Variants in WWOX observed in about 807,000 individuals in gnomAD.
WWOX encodes the protein WW domain containing oxidoreductase.
Under a neutral mutation model 46.2 loss-of-function variants are expected in WWOX, and 69 were observed. The observed-to-expected ratio is 1.49, with a 90% confidence interval of 1.23 to 1.82. The LOEUF is 1.82. WWOX is among the 40% of genes most tolerant of loss of function. The probability of loss-of-function intolerance (pLI) is 0.00; values close to 1 mark genes in which losing one functional copy is unlikely to be tolerated. For synonymous variants in WWOX, 359 were observed against 202.6 expected (o/e 1.77, Z -6.56); for missense variants, 919 against 542.6 (o/e 1.69, Z -6.89).
intron 8 of WWOX, among the ~76,000 whole-genome samples, chr16:79,124,716 A>T (rs897973464): frequency 2.0e-5 from 3 of 152,214 alleles, no homozygotes; most frequent in Non-Finnish European, 4.4e-5. Flanking sequence ...AGCAAAACAG[A>T]TGTGAAACAT....
intron 8 of WWOX, among the ~76,000 whole-genome samples, chr16:78,893,820 G>C (rs77682050): frequency 0.022 from 3,405 of 152,098 alleles, 121 homozygotes; most frequent in East Asian, 0.089. Flanking sequence ...GCTTCACAGA[G>C]GTAAGAGGAA....
At chr16:78,547,145 A>AC (rs1567635716) in intron 8 of WWOX, among the ~76,000 whole-genome samples, 46 of 94,078 alleles carry the variant, frequency 4.9e-4, no homozygotes, top group African/African-American at 1.2e-3. Flanking sequence ...AAAAAAAAAA[A>AC]AAAAAAAAAA....
intron 6 of WWOX, among the ~76,000 whole-genome samples, chr16:78,402,795 G>A (rs1260785538): frequency 2.0e-5 from 3 of 152,092 alleles, no homozygotes; most frequent in South Asian, 4.2e-4. Context: ...TCCTGACCTC[G>A]GAAATAATTC....
chr16:78,816,580 CT>C (rs2051336808), intron 8 of WWOX, among the ~76,000 whole-genome samples: 1 of 99,220 alleles, frequency 1.0e-5, no homozygotes, highest in Non-Finnish European at 1.9e-5. Context: ...GGCCGTTTGT[CT>C]TTAAAAATTT....
chr16:78,594,995 T>G (rs17707772), intron 8 of WWOX, among the ~76,000 whole-genome samples: 1 of 152,000 alleles, frequency 6.6e-6, no homozygotes, highest in African/African-American at 2.4e-5. Flanking sequence ...TGAAGACTTG[T>G]GGAAAAGGGA....
intron 5 of WWOX, among the ~76,000 whole-genome samples, chr16:78,262,639 G>A (rs1191469186): frequency 2.0e-5 from 3 of 152,074 alleles, no homozygotes; most frequent in African/African-American, 7.3e-5. Context: ...AATGAGAACA[G>A]TTGGAGAAGG....
chr16:78,338,621 A>C (rs1223857054), intron 5 of WWOX, among the ~76,000 whole-genome samples: 1 of 121,208 alleles, frequency 8.3e-6, no homozygotes, highest in Non-Finnish European at 2.0e-5. Context: ...AGTTAGAGAT[A>C]GGAAAATACC....
chr16:78,585,279 G>C (rs756668298), intron 8 of WWOX, among the ~76,000 whole-genome samples: 2 of 152,192 alleles, frequency 1.3e-5, no homozygotes, highest in East Asian at 3.9e-4. Flanking sequence ...AGAAGACCAG[G>C]CCTTGGCAGC....
intron 8 of WWOX, among the ~76,000 whole-genome samples, chr16:78,469,487 G>A (rs960313758): frequency 6.6e-6 from 1 of 152,206 alleles, no homozygotes; most frequent in Non-Finnish European, 1.5e-5. Flanking sequence ...CAGTGAGGGT[G>A]ATGATGGTGT....
chr16:79,193,513 G>A (rs1382870090), intron 8 of WWOX, among the ~76,000 whole-genome samples: 1 of 152,200 alleles, frequency 6.6e-6, no homozygotes, highest in Admixed American at 6.5e-5. Flanking sequence ...CTTCTTCAGG[G>A]AGACCTCAGA....
chr16:78,480,671 G>C (rs1260531443), intron 8 of WWOX, among the ~76,000 whole-genome samples: 2 of 152,174 alleles, frequency 1.3e-5, no homozygotes, highest in Non-Finnish European at 2.9e-5. Context: ...ACTGACACAG[G>C]TACCCTCTCC....
chr16:78,690,540 A>G (rs2047961411), intron 8 of WWOX, among the ~76,000 whole-genome samples: 1 of 152,122 alleles, frequency 6.6e-6, no homozygotes, highest in African/African-American at 2.4e-5. Flanking sequence ...CGACAGAATG[A>G]GACCCTGTCT....
intron 8 of WWOX, among the ~76,000 whole-genome samples, chr16:78,548,772 C>T (rs929056868): frequency 2.6e-5 from 4 of 152,124 alleles, no homozygotes; most frequent in African/African-American, 4.8e-5. Flanking sequence ...TGGTTTAGTT[C>T]AGGTTTGTTG....
intron 8 of WWOX, among the ~76,000 whole-genome samples, chr16:78,999,320 A>T (rs1275727631): frequency 6.6e-6 from 1 of 152,092 alleles, no homozygotes; most frequent in African/African-American, 2.4e-5. Context: ...AAAATACAAA[A>T]TTAGCCAGGC....
intron 8 of WWOX, among the ~76,000 whole-genome samples, chr16:78,578,282 A>ATTTTTTTTTT (rs1227489730): frequency 2.6e-4 from 9 of 34,202 alleles, no homozygotes; most frequent in African/African-American, 8.4e-4. Flanking sequence ...ATATATATAT[A>ATTTTTTTTTT]TATTTTTTTT....
chr16:78,883,818 A>G (rs546650561), intron 8 of WWOX, among the ~76,000 whole-genome samples: 2 of 152,168 alleles, frequency 1.3e-5, no homozygotes, highest in East Asian at 1.9e-4. Flanking sequence ...GCGTGGAGGA[A>G]CTCTGTGTAC....
chr16:78,280,393 G>A (rs2079655029), intron 5 of WWOX, among the ~76,000 whole-genome samples: 1 of 152,198 alleles, frequency 6.6e-6, no homozygotes, highest in African/African-American at 2.4e-5. Context: ...TGCGAAACAG[G>A]TAAGAGAAAC....
intron 8 of WWOX, among the ~76,000 whole-genome samples, chr16:78,678,130 C>G (rs981388300): frequency 1.3e-5 from 2 of 152,318 alleles, no homozygotes; most frequent in East Asian, 1.9e-4. Context: ...TGAATGAAGG[C>G]TTAAGGTTTT....
At chr16:78,800,323 C>T (rs2050853412) in intron 8 of WWOX, among the ~76,000 whole-genome samples, 1 of 152,044 alleles carries the variant, frequency 6.6e-6, no homozygotes, top group East Asian at 1.9e-4. Context: ...AAATGTGTAC[C>T]GTGTGCTTTT....
Sources: allele counts gnomAD v4.1 joint callset (sites outside exome capture counted in the v4.1 genomes callset), GRCh38; gene constraint gnomAD v4.1.1; transcripts MANE v1.5; gene names NCBI Gene and HGNC (gene_info 2026-07-23, HGNC 2026-07-21).